The following CREBRF variants were observed in gnomAD, a reference collection of about 807,000 sequenced individuals.
CREBRF encodes CREB3 regulatory factor.
CREBRF carries 5 observed loss-of-function variants against 66.1 expected under a neutral mutation model. The ratio of observed to expected loss-of-function variants is 0.08; its 90% CI spans 0.04 to 0.16. The LOEUF (loss-of-function observed/expected upper bound fraction) is 0.16. Among genes scored for constraint, CREBRF ranks in the 10% least tolerant of loss-of-function variants. The probability of loss-of-function intolerance (pLI) is 1.00; values close to 1 mark genes in which losing one functional copy is unlikely to be tolerated. For missense variants in CREBRF, 531 were observed against 744.9 expected (o/e 0.71, Z 3.34); for synonymous variants, 229 against 264.4 (o/e 0.87, Z 1.30).
chr5:173,126,281 C>T (rs1181385050), intron 8 of CREBRF, among the ~76,000 whole-genome samples: 3 of 152,122 alleles, frequency 2.0e-5, no homozygotes, highest in African/African-American at 4.8e-5. Context: ...GCTGGGATTA[C>T]AGGTGCACAC....
chr5:173,091,823 G>A (rs1001497179), intron 4 of CREBRF: 70 of 982,656 alleles, frequency 7.1e-5, no homozygotes, highest in Admixed American at 1.2e-4. Context: ...AGTGGCTCAC[G>A]TTAGTAATCC....
At chr5:173,071,502 G>T (rs1172295099) in intron 1 of CREBRF, among the ~76,000 whole-genome samples, 1 of 151,530 alleles carries the variant, frequency 6.6e-6, no homozygotes, top group Admixed American at 6.6e-5. Flanking sequence ...GAGCCACCGT[G>T]CCCGGCCTTG....
intron 2 of CREBRF, chr5:173,085,518 G>A (rs10052434): frequency 0.13 from 71,989 of 535,390 alleles, 6,781 homozygotes; most frequent in African/African-American, 0.34. Flanking sequence ...CCAGGTTCAA[G>A]CGATTCTCCT....
intron 1 of CREBRF, among the ~76,000 whole-genome samples, chr5:173,061,287 T>G (rs1364165345): frequency 1.3e-5 from 2 of 152,332 alleles, no homozygotes; most frequent in Non-Finnish European, 1.5e-5. Context: ...TTTTAAGTAC[T>G]TAGATGTTAA....
rs1165232588 is a variant in CREBRF, at chr5:173,086,943, A to AT, written c.135+321dup. 8.5e-4 allele frequency among the ~76,000 whole-genome samples: 84 copies of AT among 98,458 alleles called. 2 individuals are homozygous for AT. Among genetic ancestry groups the AT allele is most frequent in the African/African-American group, 2.9e-3 (71 of 24,584 alleles). 64.6% of individuals were successfully genotyped at this position (98,458 alleles called of 152,430 possible). A position where few individuals can be genotyped will look rare whatever the true frequency, so the allele number is the denominator to read the frequency against. ...AGGTGTGTGTCACCACATCCAACTA[A>AT]TTTTGTTTTTTTTTTTTTTTTGAGA... On this transcript the variant is annotated intron_variant, in intron 3 of 8. Transcript: ENST00000296953.
Position 173,134,289 on chromosome 5 carries a change from T to TAC in CREBRF, c.*558_*559dup, listed in dbSNP as rs57067753. The TAC allele has an allele frequency of 1.6e-3, 246 of 158,568 alleles. 2 individuals are homozygous for TAC. The highest frequency in any genetic ancestry group is 3.2e-3 in the East Asian group (18 of 5,688). 9.8% of individuals were successfully genotyped at this position (158,568 alleles called of 1,614,324 possible). A position where few individuals can be genotyped will look rare whatever the true frequency, so the allele number is the denominator to read the frequency against. ...AAATATATATATATATATATATATATACACACACACACACAAATGTCTGTG... is the reference window on the plus strand; with the variant it reads ...AAATATATATATATATATATATATATACACACACACACACACAAATGTCTGTG... On this transcript the variant is annotated 3_prime_UTR_variant, in exon 9 of 9. Coordinates refer to ENST00000296953, the MANE Select transcript of CREBRF (RefSeq NM_153607.3).
intron 1 of CREBRF, among the ~76,000 whole-genome samples, chr5:173,066,874 G>A (rs1013466746): frequency 9.6e-5 from 14 of 145,988 alleles, no homozygotes; most frequent in African/African-American, 3.6e-4. Flanking sequence ...GAGTGCAGTG[G>A]CGTGATAATG....
In CREBRF at chr5:173,137,891, TTA is replaced by T. The variant is rs1759624734; in HGVS notation, c.*4151_*4152del. 6.6e-6 allele frequency: 1 copy of T among 152,178 alleles called. No individual in the cohort carries two copies. Among genetic ancestry groups the T allele is most frequent in the Non-Finnish European group, 1.5e-5 (1 of 68,006 alleles). 9.4% of individuals were successfully genotyped at this position (152,178 alleles called of 1,614,324 possible). A position where few individuals can be genotyped will look rare whatever the true frequency, so the allele number is the denominator to read the frequency against. On this transcript the variant is annotated 3_prime_UTR_variant, in exon 9 of 9. Transcript: ENST00000296953. ...TAACAAAAACTTATGTTCCCTTTCT[TTA>T]TATAGTTTCCTAAAATTCTGTTCAA...
rs775890484 is a variant in CREBRF at position 173,091,379 on chromosome 5, T to C, written c.1200T>C (p.Ile400=). The stretch of plus-strand genomic sequence containing the variant: ...ATGAAGATGACAAGGATGATGATAT[T>C]AGTGATACTTTCTCTGAACCAGGTA... The part of the protein sequence containing the change: ...EDYEDDKDDD[I]SDTFSEPGYE... The change falls in exon 4 of 9, where the codon ATT becomes ATC. Residue 400 remains isoleucine, a synonymous_variant. Coordinates refer to ENST00000296953, the MANE Select transcript of CREBRF (RefSeq NM_153607.3). 9.3e-6 allele frequency: 15 copies of C among 1,613,896 alleles called. No individual in the cohort carries two copies. The highest frequency in any genetic ancestry group is 1.1e-5 in the Non-Finnish European group (13 of 1,179,892).
chr5:173,114,366 A>G (rs780296581), intron 7 of CREBRF, among the ~76,000 whole-genome samples: 9 of 152,164 alleles, frequency 5.9e-5, no homozygotes, highest in Non-Finnish European at 1.2e-4. Flanking sequence ...TGGAACACTT[A>G]TTATCCATTA....
At chr5:173,099,801 T>C (rs1343036340) in intron 4 of CREBRF, among the ~76,000 whole-genome samples, 4 of 152,076 alleles carry the variant, frequency 2.6e-5, no homozygotes, top group African/African-American at 4.8e-5. Context: ...TTCGGCTATA[T>C]GTAAAATCTC....
chr5:173,117,340 T>C (rs576237748), intron 7 of CREBRF, among the ~76,000 whole-genome samples: 2 of 150,602 alleles, frequency 1.3e-5, no homozygotes, highest in Admixed American at 1.3e-4. Context: ...GATTGTGCCA[T>C]TGCACTCCAG....
rs533630497 is a variant in CREBRF at position 173,106,261 on chromosome 5, C to G, written c.1223-2363C>G. On this transcript the variant is annotated intron_variant, in intron 4 of 8. Transcript: ENST00000296953. ...TGGCTAACATGGTGAAACCCTGTCTCTACTAAAAAATAGAAAAAATTAGCC... is the reference window on the plus strand; with the variant it reads ...TGGCTAACATGGTGAAACCCTGTCTGTACTAAAAAATAGAAAAAATTAGCC... 7.2e-5 allele frequency among the ~76,000 whole-genome samples: 11 copies of G among 151,878 alleles called. No homozygotes were observed. The East Asian group carries it at 7.9e-4, about 11-fold the overall frequency.
intron 1 of CREBRF, among the ~76,000 whole-genome samples, chr5:173,065,768 G>A (rs778031082): frequency 1.0e-4 from 15 of 150,272 alleles, no homozygotes; most frequent in Non-Finnish European, 1.6e-4. Context: ...TCAGCCTCAC[G>A]AGTAGCTGAG....
At position 173,056,441 on chromosome 5, in the gene CREBRF, G is replaced by A; in HGVS notation, c.-230G>A. On this transcript the variant is annotated 5_prime_UTR_variant, in exon 1 of 9. Coordinates refer to ENST00000296953, the MANE Select transcript of CREBRF (RefSeq NM_153607.3). ...GAGAGGGGCCGTGGCCCCTGCAGCG[G>A]AACCGGACCCAGTCCCTGAGCCGCC... is the stretch of plus-strand genomic sequence containing the variant. 2.5e-6 allele frequency: 1 copy of A among 398,462 alleles called. No individual in the cohort carries two copies. The highest frequency in any genetic ancestry group is 4.4e-6 in the Non-Finnish European group (1 of 225,970). The allele number at this position is 398,462 out of a possible 1,614,324, so 24.7% of individuals were successfully genotyped here.
At chr5:173,107,814 A>G (rs748711868) in intron 4 of CREBRF, among the ~76,000 whole-genome samples, 10 of 146,478 alleles carry the variant, frequency 6.8e-5, no homozygotes, top group Admixed American at 1.4e-4. Flanking sequence ...CTGTCTCTAC[A>G]AAATTTTTTT....
intron 4 of CREBRF, among the ~76,000 whole-genome samples, chr5:173,099,315 C>T (rs1321258875): frequency 6.6e-6 from 1 of 152,096 alleles, no homozygotes; most frequent in Admixed American, 6.5e-5. Flanking sequence ...ACCCCCATAC[C>T]CAGCTAATTT....
At chr5:173,061,612 G>C (rs1757275725) in intron 1 of CREBRF, among the ~76,000 whole-genome samples, 2 of 152,192 alleles carry the variant, frequency 1.3e-5, no homozygotes, top group South Asian at 4.1e-4. Flanking sequence ...GCTGTTTCAA[G>C]AGATGATAGT....
At chr5:173,104,738 A>AGTGT (rs1233867497) in intron 4 of CREBRF, among the ~76,000 whole-genome samples, 2 of 150,036 alleles carry the variant, frequency 1.3e-5, no homozygotes, top group Non-Finnish European at 3.0e-5. Flanking sequence ...AGAGAGAGAG[A>AGTGT]GAGTGTGTGT....
Sources: allele counts gnomAD v4.1 joint callset (sites outside exome capture counted in the v4.1 genomes callset), GRCh38; gene constraint gnomAD v4.1.1; transcripts MANE v1.5; gene names NCBI Gene and HGNC (gene_info 2026-07-23, HGNC 2026-07-21).